The following CNTN4 variants were observed in gnomAD, a reference collection of about 807,000 sequenced individuals.
CNTN4 encodes contactin-4.
A neutral mutation model predicts 122.5 loss-of-function variants in CNTN4; 77 were observed. That is an observed-to-expected ratio of 0.63 (90% CI 0.52 to 0.76). The LOEUF (loss-of-function observed/expected upper bound fraction) is 0.76, where lower values mean the gene tolerates loss of function less well. Among genes scored for constraint, CNTN4 ranks in the 30% least tolerant of loss-of-function variants. The pLI is 0.00. For synonymous variants in CNTN4, 512 were observed against 447.0 expected, an observed-to-expected ratio of 1.15 and a Z score of -1.83; for missense variants, 1,256 against 1,259.1, an observed-to-expected ratio of 1.00 and a Z score of 0.04.
At chr3:2,881,865 G>T (rs1458634340) in intron 8 of CNTN4, among the ~76,000 whole-genome samples, 2 of 152,160 alleles carry the variant, frequency 1.3e-5, no homozygotes, top group Non-Finnish European at 2.9e-5. Context: ...CTAAGGTTCA[G>T]TCTCTTTTTC....
chr3:2,854,568 C>T (rs2093598334), intron 7 of CNTN4, among the ~76,000 whole-genome samples: 1 of 152,006 alleles, frequency 6.6e-6, no homozygotes, highest in African/African-American at 2.4e-5. Flanking sequence ...CCACCCTGCC[C>T]GGCTGAAAAT....
At chr3:2,195,058 C>G (rs1358456341) in intron 2 of CNTN4, among the ~76,000 whole-genome samples, 1 of 151,946 alleles carries the variant, frequency 6.6e-6, no homozygotes, top group East Asian at 1.9e-4. Context: ...CCTTTGATCC[C>G]CATTCCCTCC....
chr3:2,404,811 G>A (rs1013426161), intron 3 of CNTN4, among the ~76,000 whole-genome samples: 4 of 151,996 alleles, frequency 2.6e-5, no homozygotes, highest in South Asian at 2.1e-4. Flanking sequence ...TTTGCATTAA[G>A]CATTTTCAAA....
At chr3:2,143,222 C>T (rs1026442525) in intron 2 of CNTN4, among the ~76,000 whole-genome samples, 13 of 152,052 alleles carry the variant, frequency 8.5e-5, no homozygotes, top group Non-Finnish European at 1.6e-4. Flanking sequence ...TAACCATGAC[C>T]AGATCAATTA....
At chr3:2,811,319 A>G (rs796280805) in intron 6 of CNTN4, among the ~76,000 whole-genome samples, 9 of 151,146 alleles carry the variant, frequency 6.0e-5, no homozygotes, top group African/African-American at 2.2e-4. Flanking sequence ...GAGGCAGGAG[A>G]ATCACTTAAA....
At chr3:2,661,040 T>TA (rs1460661557) in intron 4 of CNTN4, among the ~76,000 whole-genome samples, 37 of 152,326 alleles carry the variant, frequency 2.4e-4, no homozygotes, top group Non-Finnish European at 7.4e-5. Flanking sequence ...TTTTTGGTAT[T>TA]ATAGTTAAGG....
At chr3:3,020,429 G>C (rs1698187900) in intron 14 of CNTN4, among the ~76,000 whole-genome samples, 1 of 152,222 alleles carries the variant, frequency 6.6e-6, no homozygotes, top group Non-Finnish European at 1.5e-5. Flanking sequence ...TAATTCCGAT[G>C]AGCTTCATGA....
At chr3:2,315,336 G>A (rs1172799446) in intron 2 of CNTN4, among the ~76,000 whole-genome samples, 4 of 151,794 alleles carry the variant, frequency 2.6e-5, no homozygotes, top group East Asian at 1.9e-4. Context: ...AACTTTAGAC[G>A]GGCTGTCTTG....
chr3:2,565,239 C>T (rs912755322), intron 3 of CNTN4, among the ~76,000 whole-genome samples: 1 of 152,098 alleles, frequency 6.6e-6, no homozygotes, highest in South Asian at 2.1e-4. Flanking sequence ...CCCTCTTTTG[C>T]ACTGTTCTAT....
At chr3:2,365,238 C>G (rs1329361364) in intron 3 of CNTN4, among the ~76,000 whole-genome samples, 2 of 152,152 alleles carry the variant, frequency 1.3e-5, no homozygotes, top group African/African-American at 4.8e-5. Flanking sequence ...CAGTTTCTTT[C>G]ATCTGCACTC....
At chr3:2,562,430 G>A (rs925529060) in intron 3 of CNTN4, among the ~76,000 whole-genome samples, 3 of 151,932 alleles carry the variant, frequency 2.0e-5, no homozygotes, top group African/African-American at 7.3e-5. Flanking sequence ...CCATCTTTAT[G>A]TCCCTGGATA....
chr3:2,233,443 G>C (rs541142280), intron 2 of CNTN4, among the ~76,000 whole-genome samples: 11 of 152,148 alleles, frequency 7.2e-5, no homozygotes, highest in African/African-American at 2.7e-4. Context: ...TGCATTCTCC[G>C]TTAGGGCTAT....
chr3:2,171,343 A>G (rs2036500792), intron 2 of CNTN4, among the ~76,000 whole-genome samples: 1 of 152,176 alleles, frequency 6.6e-6, no homozygotes, highest in Admixed American at 6.5e-5. Context: ...ATAAAATAGG[A>G]TGTAATATGT....
intron 2 of CNTN4, among the ~76,000 whole-genome samples, chr3:2,264,743 A>G (rs1382879970): frequency 6.6e-6 from 1 of 151,998 alleles, no homozygotes; most frequent in African/African-American, 2.4e-5. Flanking sequence ...TGGTAGTTTC[A>G]TAGTTTCAGG....
chr3:2,871,442 G>A (rs777519745), intron 8 of CNTN4, among the ~76,000 whole-genome samples: 5 of 152,032 alleles, frequency 3.3e-5, no homozygotes, highest in Non-Finnish European at 5.9e-5. Context: ...AGTGACTAAC[G>A]ATGTTAAACT....
intron 3 of CNTN4, among the ~76,000 whole-genome samples, chr3:2,388,653 G>A (rs900272171): frequency 1.2e-4 from 18 of 151,674 alleles, no homozygotes; most frequent in African/African-American, 3.9e-4. Context: ...AAGACCAACC[G>A]GGCCAATGTG....
intron 4 of CNTN4, among the ~76,000 whole-genome samples, chr3:2,580,740 A>G (rs760690551): frequency 6.6e-6 from 1 of 152,176 alleles, no homozygotes; most frequent in Non-Finnish European, 1.5e-5. Context: ...CAATAATAAT[A>G]GTAAGAGTAA....
intron 7 of CNTN4, among the ~76,000 whole-genome samples, chr3:2,846,987 C>G (rs1044309666): frequency 1.3e-5 from 2 of 151,920 alleles, no homozygotes; most frequent in South Asian, 2.1e-4. Flanking sequence ...GAGTGAAACT[C>G]GGTCTCAAAT....
chr3:2,996,953 AATCT>A (rs1194127272), intron 14 of CNTN4, among the ~76,000 whole-genome samples: 1 of 152,212 alleles, frequency 6.6e-6, no homozygotes, highest in Non-Finnish European at 1.5e-5. Context: ...CATAAATAAA[AATCT>A]ATCTTTTTCT....
Sources: gnomAD v4.1 joint callset for allele counts (sites outside exome capture counted in the v4.1 genomes callset) on GRCh38, gnomAD v4.1.1 for gene constraint, MANE v1.5 for transcripts, NCBI Gene and HGNC (gene_info 2026-07-23, HGNC 2026-07-21) for gene names.